The following NREP variants were observed in gnomAD, a reference collection of about 807,000 sequenced individuals.
The protein encoded by NREP is neuronal regeneration related protein, also known as neuronal regeneration-related protein.
A neutral mutation model predicts 8.6 loss-of-function variants in NREP; 5 were observed. That is an observed-to-expected ratio of 0.58 (90% CI 0.30 to 1.22). The LOEUF (loss-of-function observed/expected upper bound fraction) is 1.22, where lower values mean the gene tolerates loss of function less well. NREP is among the 50% of genes most tolerant of loss of function. The pLI is 0.07. For synonymous variants in NREP, 27 were observed against 28.0 expected, an observed-to-expected ratio of 0.96 and a Z score of 0.11; for missense variants, 86 against 82.5, an observed-to-expected ratio of 1.04 and a Z score of -0.17.
intron 2 of NREP, among the ~76,000 whole-genome samples, chr5:111,772,107 A>G (rs1751245547): frequency 6.6e-6 from 1 of 152,208 alleles, no homozygotes; most frequent in Non-Finnish European, 1.5e-5. Flanking sequence ...TTCCTTCAGT[A>G]CTAACATTCT....
At chr5:111,903,026 A>C (rs1485686995) in intron 2 of NREP, among the ~76,000 whole-genome samples, 1 of 149,012 alleles carries the variant, frequency 6.7e-6, no homozygotes, top group East Asian at 2.0e-4. Flanking sequence ...TGAGAAGTTT[A>C]TATTTTATAT....
chr5:111,904,009 C>G (rs1000055706), intron 2 of NREP, among the ~76,000 whole-genome samples: 1 of 152,074 alleles, frequency 6.6e-6, no homozygotes, highest in Non-Finnish European at 1.5e-5. Flanking sequence ...TTACATAGAA[C>G]ATTAATACTT....
chr5:111,808,464 T>C (rs761120968), intron 2 of NREP, among the ~76,000 whole-genome samples: 1 of 152,264 alleles, frequency 6.6e-6, no homozygotes, highest in Non-Finnish European at 1.5e-5. Flanking sequence ...TAACTAACTT[T>C]ATCAAGTCCC....
chr5:111,888,300 G>T (rs1016349858), intron 2 of NREP, among the ~76,000 whole-genome samples: 1 of 151,752 alleles, frequency 6.6e-6, no homozygotes, highest in Non-Finnish European at 1.5e-5. Flanking sequence ...ATTTGTAAAG[G>T]AAAGAGGTTT....
At chr5:111,902,345 T>A (rs1377405926) in intron 2 of NREP, among the ~76,000 whole-genome samples, 2 of 152,136 alleles carry the variant, frequency 1.3e-5, no homozygotes, top group Non-Finnish European at 2.9e-5. Context: ...GAGTGAACAT[T>A]CCACTCAACA....
intron 2 of NREP, among the ~76,000 whole-genome samples, chr5:111,862,181 T>G (rs781570447): frequency 2.6e-5 from 4 of 152,196 alleles, no homozygotes; most frequent in Non-Finnish European, 5.9e-5. Flanking sequence ...TAGACAAGAA[T>G]TAAAACTCCC....
upstream of NREP, chr5:111,757,679 C>T (rs1337190733): frequency 1.0e-6 from 1 of 983,728 alleles, no homozygotes; most frequent in Non-Finnish European, 1.2e-6. Context: ...CACTGCACCG[C>T]GCGGCGCCCC....
chr5:111,750,328 G>C (rs557372299), intron 2 of NREP, among the ~76,000 whole-genome samples: 8 of 152,126 alleles, frequency 5.3e-5, no homozygotes, highest in Non-Finnish European at 8.8e-5. Flanking sequence ...GAAATAAAAA[G>C]CTTAATAAAA....
In NREP at chr5:111,855,766, C is replaced by A. The variant is rs1753412200; in HGVS notation, c.135+119508G>T. Among the ~76,000 whole-genome samples the A allele has an allele frequency of 2.6e-5, 4 of 152,072 alleles. No individual in the cohort carries two copies. In the South Asian group the frequency reaches 8.3e-4, roughly 32 times the overall value. Reference sequence around the variant, plus strand: ...ATCCTGATCCCACATGCAAAGCCACCCCTAGGGGTTGCAGGACCAGGACAA... The same window carrying A: ...ATCCTGATCCCACATGCAAAGCCACACCTAGGGGTTGCAGGACCAGGACAA... On this transcript the variant is annotated intron_variant, in intron 2 of 3. Coordinates refer to the NREP transcript ENST00000395634.
intron 2 of NREP, among the ~76,000 whole-genome samples, chr5:111,960,019 A>G (rs1028996772): frequency 3.9e-5 from 6 of 152,164 alleles, no homozygotes; most frequent in Non-Finnish European, 8.8e-5. Context: ...GCTTATTACT[A>G]GCCCAAATGA....
chr5:111,771,459 A>ATG (rs1751225711), intron 2 of NREP, among the ~76,000 whole-genome samples: 1 of 151,712 alleles, frequency 6.6e-6, no homozygotes, highest in Non-Finnish European at 1.5e-5. Context: ...ACACACACAC[A>ATG]CACACATATG....
At chr5:111,819,354 T>C (rs368736950) in intron 2 of NREP, among the ~76,000 whole-genome samples, 6 of 152,094 alleles carry the variant, frequency 3.9e-5, no homozygotes, top group African/African-American at 4.8e-5. Context: ...CCCTAGCCAA[T>C]AGGGGAATGA....
chr5:111,757,515 C>G (rs1750803684), upstream of NREP: 1 of 984,908 alleles, frequency 1.0e-6, no homozygotes, highest in South Asian at 4.7e-5. Flanking sequence ...AGCCAGCGCC[C>G]CAGCCTTGCT....
At chr5:111,767,917 G>A (rs115846685) in intron 2 of NREP, among the ~76,000 whole-genome samples, 8,902 of 151,936 alleles carry the variant, frequency 0.059, 381 homozygotes, top group African/African-American at 0.12. Context: ...CTCCTGCCTC[G>A]GCCTCCTAAA....
intron 2 of NREP, among the ~76,000 whole-genome samples, chr5:111,970,240 A>C (rs1165669805): frequency 6.6e-6 from 1 of 152,042 alleles, no homozygotes; most frequent in African/African-American, 2.4e-5. Flanking sequence ...TTTTTTTGAA[A>C]TTATTTTGTG....
intron 2 of NREP, among the ~76,000 whole-genome samples, chr5:111,819,380 T>C (rs1209843730): frequency 6.6e-6 from 1 of 152,194 alleles, no homozygotes; most frequent in African/African-American, 2.4e-5. Context: ...CAGTATGGGC[T>C]ACCTGTGTCA....
intron 2 of NREP, among the ~76,000 whole-genome samples, chr5:111,873,384 T>C (rs1193889368): frequency 6.6e-6 from 1 of 152,184 alleles, no homozygotes; most frequent in Non-Finnish European, 1.5e-5. Context: ...GTGGGTCTCT[T>C]TGAGCTAAAA....
chr5:111,737,838 T>A (rs1034127133), intron 2 of NREP, among the ~76,000 whole-genome samples: 1 of 152,044 alleles, frequency 6.6e-6, no homozygotes. Flanking sequence ...CCTTACTTCA[T>A]ATTTGTTACA....
At chr5:111,819,960 A>T (rs1279999012) in intron 2 of NREP, among the ~76,000 whole-genome samples, 3 of 152,142 alleles carry the variant, frequency 2.0e-5, no homozygotes, top group African/African-American at 7.2e-5. Context: ...TCAGTAATTT[A>T]AAAAAATTGC....
Sources: gnomAD v4.1 joint callset for allele counts (sites outside exome capture counted in the v4.1 genomes callset) on GRCh38, gnomAD v4.1.1 for gene constraint, MANE v1.5 for transcripts, NCBI Gene and HGNC (gene_info 2026-07-23, HGNC 2026-07-21) for gene names.